Variants in DPPA4 observed in about 807,000 individuals in gnomAD.
DPPA4 encodes the protein developmental pluripotency-associated protein 4.
In DPPA4, 22 loss-of-function variants were observed where a neutral mutation model predicts 33.7. That is an observed-to-expected ratio of 0.65 (90% CI 0.47 to 0.93). The LOEUF (loss-of-function observed/expected upper bound fraction) is 0.93, where lower values mean the gene tolerates loss of function less well. Among genes scored for constraint, DPPA4 ranks in the 40% least tolerant of loss-of-function variants. The pLI is 0.00. For synonymous variants in DPPA4, 156 were observed against 132.3 expected (o/e 1.18, Z -1.23); for missense variants, 340 against 358.6 (o/e 0.95, Z 0.42).
Position 109,327,940 on chromosome 3 carries a change from A to G in DPPA4, c.*48T>C. 1 of 1,380,176 alleles carries G rather than the reference A, an allele frequency of 7.2e-7. No individual in the cohort carries two copies. The highest frequency in any genetic ancestry group is 1.0e-6 in the Non-Finnish European group (1 of 971,060). 85.5% of individuals were successfully genotyped at this position (1,380,176 alleles called of 1,614,324 possible). ...GCAGCACCGCAGAATCCAACTCTCC[A>G]GCTTTTCTGCCATTAATTACCATAG... On this transcript the variant is annotated 3_prime_UTR_variant, in exon 7 of 7. Transcript: ENST00000335658.
intron 6 of DPPA4, 88 bp downstream of exon 6, chr3:109,328,802 G>T: frequency 8.5e-7 from 1 of 1,175,986 alleles, no homozygotes; most frequent in Non-Finnish European, 1.2e-6. Context: ...GAAATACCTG[G>T]CTATTTAAGA....
At chr3:109,332,055 A>G (rs764060631) in intron 2 of DPPA4, 24 bp from the exon 3 acceptor site, 8 of 1,545,596 alleles carry the variant, frequency 5.2e-6, no homozygotes, top group Admixed American at 4.1e-5. Flanking sequence ...GAATCAAATG[A>G]GTAGTAATTA....
intron 2 of DPPA4, 125 bp downstream of exon 2, chr3:109,333,744 TC>T: frequency 1.7e-6 from 2 of 1,155,726 alleles, no homozygotes; most frequent in Non-Finnish European, 1.2e-6. Context: ...AAGCTTGGCT[TC>T]CATGAAGTGC....
intron 4 of DPPA4, among the ~76,000 whole-genome samples, 166 bp downstream of exon 4, chr3:109,331,560 AAAAAAAAG>A: frequency 1.4e-5 from 2 of 147,120 alleles, no homozygotes; most frequent in South Asian, 2.2e-4. Flanking sequence ...AAAAAAAAAA[AAAAAAAAG>A]AAAGAAAGAA....
intron 2 of DPPA4, 126 bp from the exon 3 acceptor site, chr3:109,332,157 A>G (rs893659213): frequency 4.7e-5 from 39 of 832,614 alleles, no homozygotes; most frequent in Non-Finnish European, 7.1e-5. Context: ...GCTGGAGTGC[A>G]GTGGCGCGAT....
rs531985891 is a variant in DPPA4 at position 109,336,226 on chromosome 3, A to G, written c.54+1238T>C. ...TCACTTTCAGGGTGGATTACTGGAC[A>G]AATTAACATTTGTATGGCATTTTTA... On this transcript the variant is annotated intron_variant, in intron 1 of 6. Coordinates refer to ENST00000335658, the MANE Select transcript of DPPA4 (RefSeq NM_018189.4). 2.0e-5 allele frequency: 3 copies of G among 152,276 alleles called. No homozygotes were observed. The East Asian group carries it at 5.8e-4, about 29-fold the overall frequency. 9.4% of individuals were successfully genotyped at this position (152,276 alleles called of 1,614,324 possible).
At position 109,330,726 on chromosome 3, in the gene DPPA4, T is replaced by C. The variant is rs1249489003; in HGVS notation, c.477A>G (p.Gln159=). The change falls in exon 5 of 7, where the codon CAA becomes CAG. Residue 159 remains glutamine (Q), a synonymous_variant. Transcript: ENST00000335658. ...CTTCAGGAGGATGTGTCTCAGAACT[T>C]TGCAGGGACGTTTCCCCCTTTTCCA... ...LKVEKGETSL[Q]SSETHPPEVA... 6.2e-7 allele frequency: 1 copy of C among 1,614,162 alleles called. No individual in the cohort carries two copies. Among genetic ancestry groups the C allele is most frequent in the Non-Finnish European group, 8.5e-7 (1 of 1,180,032 alleles).
intron 2 of DPPA4, among the ~76,000 whole-genome samples, chr3:109,332,816 G>C (rs1708110737): frequency 6.6e-6 from 1 of 152,164 alleles, no homozygotes; most frequent in African/African-American, 2.4e-5. Flanking sequence ...TTTCTGGCTG[G>C]GCGCAGTGGC....
intron 1 of DPPA4, 41 bp downstream of exon 1, chr3:109,337,423 C>G (rs1310950605): frequency 6.3e-7 from 1 of 1,597,850 alleles, no homozygotes; most frequent in Non-Finnish European, 8.6e-7. Flanking sequence ...GACAGAAACA[C>G]AAAGACAGAC....
intron 1 of DPPA4, 80 bp downstream of exon 1, chr3:109,337,384 T>G (rs1169260795): frequency 7.4e-7 from 1 of 1,354,928 alleles, no homozygotes; most frequent in Non-Finnish European, 1.0e-6. Context: ...CTTTTCTCCT[T>G]AAAGGAAAAA....
rs776933550 is a variant in DPPA4, at chr3:109,331,741, T to C, written c.383A>G (p.Asn128Ser). Residue 128 changes from asparagine (N) to serine (S), a missense_variant, in exon 4 of 7, where the codon AAT becomes AGT. Around this residue, in one of 3 missense-constraint regions of DPPA4, gnomAD observed 32 missense variants for 60.3 expected, o/e 0.53. Coordinates refer to ENST00000335658, the MANE Select transcript of DPPA4 (RefSeq NM_018189.4). ...CATCCTTTAAAAAGTTACCTTTTGA[T>C]TTGGGTAGGCAAAGGCACACAGGCG... Reference protein sequence around the residue: ...YKRLCAFAYPNQKDFPSTAKE... With the variant: ...YKRLCAFAYPSQKDFPSTAKE... The C allele has an allele frequency of 1.9e-6, 3 of 1,614,034 alleles. No homozygotes were observed. Among genetic ancestry groups the C allele is most frequent in the Non-Finnish European group, 2.5e-6 (3 of 1,180,002 alleles).
At chr3:109,333,005 G>A (rs2107347676) in intron 2 of DPPA4, among the ~76,000 whole-genome samples, 1 of 152,134 alleles carries the variant, frequency 6.6e-6, no homozygotes, top group Non-Finnish European at 1.5e-5. Context: ...AGAACTGTTT[G>A]AACCCGGGAG....
Position 109,330,654 on chromosome 3 carries a change from A to G in DPPA4, c.549T>C (p.Thr183=), listed in dbSNP as rs1193363537. The part of the protein sequence containing the change: ...VGEPPALENS[T]ALLEGVNTVV... ...CTGTATTAACTCCCTCAAGGAGAGC[A>G]GTGGAATTTTCCAGGGCAGGCGGCT... Residue 183 remains threonine (T), a synonymous_variant, in exon 5 of 7, where the codon ACT becomes ACC. Coordinates refer to ENST00000335658, the MANE Select transcript of DPPA4 (RefSeq NM_018189.4). 1 of 1,614,064 alleles carries G rather than the reference A, an allele frequency of 6.2e-7. No individual in the cohort carries two copies. Among genetic ancestry groups the G allele is most frequent in the Non-Finnish European group, 8.5e-7 (1 of 1,180,038 alleles).
chr3:109,329,175 T>C (rs1050588339), intron 5 of DPPA4, 87 bp from the exon 6 acceptor site: 193 of 1,168,034 alleles, frequency 1.7e-4, no homozygotes, highest in South Asian at 2.4e-4. Flanking sequence ...TCACCCTTGA[T>C]TGACCAGCTC....
At chr3:109,332,252 C>T in intron 2 of DPPA4, 1 of 317,182 alleles carries the variant, frequency 3.2e-6, no homozygotes, top group Non-Finnish European at 5.8e-6. Flanking sequence ...CAGACGCCCA[C>T]CACCACGCCC....
Position 109,337,455 on chromosome 3 carries a change from T to C in DPPA4, c.54+9A>G, listed in dbSNP as rs1429454886. ...AGACAGAAAACAAATCCACTAAAAC[T>C]GTACTGACCTCCTTGCCTTTTGCCT... On this transcript the variant is annotated intron_variant, in intron 1 of 6. Coordinates refer to ENST00000335658, the MANE Select transcript of DPPA4 (RefSeq NM_018189.4). The C allele has an allele frequency of 2.5e-6, 4 of 1,613,322 alleles. No individual in the cohort carries two copies. Among genetic ancestry groups the C allele is most frequent in the African/African-American group, 1.3e-5 (1 of 74,968 alleles).
At chr3:109,334,095 T>G in intron 1 of DPPA4, 102 bp from the exon 2 acceptor site, 1 of 1,237,748 alleles carries the variant, frequency 8.1e-7, no homozygotes, top group Non-Finnish European at 1.1e-6. Flanking sequence ...ACGCAGTTAC[T>G]GGACTCCACT....
chr3:109,330,647 G>A lies in DPPA4; in HGVS notation c.556C>T (p.Leu186Phe). The change falls in exon 5 of 7, where the codon CTT (leucine) becomes TTT (phenylalanine). Residue 186 changes from leucine (L) to phenylalanine (F), a missense_variant. Leu to Phe is a conservative substitution (Grantham distance 22). Coordinates refer to ENST00000335658, the MANE Select transcript of DPPA4 (RefSeq NM_018189.4). ...ACCACAACTGTATTAACTCCCTCAA[G>A]GAGAGCAGTGGAATTTTCCAGGGCA... is the stretch of plus-strand genomic sequence containing the variant. ...PPALENSTAL[L>F]EGVNTVVVTT... The A allele has an allele frequency of 6.8e-6, 11 of 1,614,176 alleles. No homozygotes were observed. The highest frequency in any genetic ancestry group is 9.3e-6 in the Non-Finnish European group (11 of 1,180,036).
At position 109,331,609 on chromosome 3, in the gene DPPA4, ATTG is replaced by A. The variant is rs1316098602; in HGVS notation, c.390+122_390+124del. On this transcript the variant is annotated intron_variant, in intron 4 of 6. Coordinates refer to ENST00000335658, the MANE Select transcript of DPPA4 (RefSeq NM_018189.4). ...AAAAAGAGAAGTAGAGATGGGAAAT[ATTG>A]TTCTTTCTTAGAACTAGGGGTGGAG... The A allele has an allele frequency of 1.0e-5, 7 of 680,860 alleles. No homozygotes were observed. In the African/African-American group the frequency reaches 1.1e-4, roughly 11 times the overall value. 42.2% of individuals were successfully genotyped at this position (680,860 alleles called of 1,614,324 possible). A position where few individuals can be genotyped will look rare whatever the true frequency, so the allele number is the denominator to read the frequency against.
Sources: gnomAD v4.1 joint callset for allele counts (sites outside exome capture counted in the v4.1 genomes callset) on GRCh38, gnomAD v4.1.1 for gene constraint, gnomAD v4.1.1 regional missense constraint, MANE v1.5 for transcripts, NCBI Gene and HGNC (gene_info 2026-07-23, HGNC 2026-07-21) for gene names.